Variants in PRKAR1B observed in about 807,000 individuals in gnomAD.
The protein encoded by PRKAR1B is protein kinase cAMP-dependent type I regulatory subunit beta, also known as cAMP-dependent protein kinase type I-beta regulatory subunit.
In PRKAR1B, 22 loss-of-function variants were observed where a neutral mutation model predicts 46.5. That is an observed-to-expected ratio of 0.47 (90% CI 0.34 to 0.68). The LOEUF is 0.68. Among genes scored for constraint, PRKAR1B ranks in the 30% least tolerant of loss-of-function variants. The probability of loss-of-function intolerance (pLI) is 0.01; values close to 1 mark genes in which losing one functional copy is unlikely to be tolerated. For missense variants in PRKAR1B, 445 were observed against 535.6 expected (o/e 0.83, Z 1.67); for synonymous variants, 259 against 217.7 (o/e 1.19, Z -1.67).
At chr7:558,895 G>A (rs1583199535) in intron 9 of PRKAR1B, among the ~76,000 whole-genome samples, 1 of 152,194 alleles carries the variant, frequency 6.6e-6, no homozygotes. Context: ...GAGGTCAGTC[G>A]GATCACAGAA....
intron 4 of PRKAR1B, among the ~76,000 whole-genome samples, chr7:635,742 T>C (rs1784012658): frequency 6.6e-6 from 1 of 152,110 alleles, no homozygotes; most frequent in South Asian, 2.1e-4. Context: ...AAGCCTCAGG[T>C]TTTCTGGAGC....
At chr7:688,208 C>T (rs1348688551) in intron 2 of PRKAR1B, among the ~76,000 whole-genome samples, 1 of 151,860 alleles carries the variant, frequency 6.6e-6, no homozygotes, top group Non-Finnish European at 1.5e-5. Flanking sequence ...CGAGACCAAC[C>T]TGGTTAACAT....
chr7:603,850 C>G (rs1781819659), intron 6 of PRKAR1B, among the ~76,000 whole-genome samples: 1 of 149,794 alleles, frequency 6.7e-6, no homozygotes, highest in Admixed American at 6.6e-5. Flanking sequence ...ATGGTGACAC[C>G]AGGACCCAGA....
Position 727,263 on chromosome 7 carries a change from C to A in PRKAR1B, c.-76G>T. 2 of 1,330,824 alleles carry A rather than the reference C, an allele frequency of 1.5e-6. No individual in the cohort carries two copies. Among genetic ancestry groups the A allele is most frequent in the Non-Finnish European group, 1.9e-6 (2 of 1,044,784 alleles). 82.4% of individuals were successfully genotyped at this position (1,330,824 alleles called of 1,614,324 possible). A position where few individuals can be genotyped will look rare whatever the true frequency, so the allele number is the denominator to read the frequency against. On this transcript the variant is annotated 5_prime_UTR_variant, in exon 1 of 11. Coordinates refer to ENST00000537384, the MANE Select transcript of PRKAR1B (RefSeq NM_001164760.2). ...GCTCCCTGCTCGACCCCTTCGCCGC[C>A]GTGCGCCGCGAGAGCTGCAGCTGCG...
At chr7:601,632 C>T (rs569359510) in intron 6 of PRKAR1B, among the ~76,000 whole-genome samples, 8 of 152,346 alleles carry the variant, frequency 5.3e-5, no homozygotes, top group Non-Finnish European at 1.0e-4. Flanking sequence ...CCGGCCCCGC[C>T]GGGCACTCCC....
rs555398899 is a variant in PRKAR1B at position 623,669 on chromosome 7, C to T, written c.441-16217G>A. 7.2e-5 allele frequency among the ~76,000 whole-genome samples: 11 copies of T among 152,342 alleles called. No homozygotes were observed. The South Asian group carries it at 1.5e-3, about 20-fold the overall frequency. Reference sequence around the variant, plus strand: ...ACTGCCACTTAGGTGGAAATTCTCACGTTCTCATCTCATATTCGGAGGCAA... The same window carrying T: ...ACTGCCACTTAGGTGGAAATTCTCATGTTCTCATCTCATATTCGGAGGCAA... On this transcript the variant is annotated intron_variant, in intron 4 of 10. Coordinates refer to ENST00000537384, the MANE Select transcript of PRKAR1B (RefSeq NM_001164760.2).
intron 8 of PRKAR1B, among the ~76,000 whole-genome samples, chr7:583,095 G>T (rs1046559505): frequency 1.3e-4 from 20 of 152,148 alleles, no homozygotes; most frequent in East Asian, 3.9e-4. Flanking sequence ...CAGGGACGGG[G>T]CTCTGTCTCG....
chr7:723,489 C>T (rs1437759006), intron 1 of PRKAR1B, among the ~76,000 whole-genome samples: 2 of 152,232 alleles, frequency 1.3e-5, no homozygotes, highest in African/African-American at 2.4e-5. Context: ...CGTCTGTCAA[C>T]TCTCAAGCTC....
rs982996908 is a variant in PRKAR1B at position 593,442 on chromosome 7, C to A, written c.708+2704G>T. On this transcript the variant is annotated intron_variant, in intron 7 of 10. Transcript: ENST00000537384. The surrounding 1 kb of genome is among the most constrained non-coding windows in gnomAD (Gnocchi z 6.1). Reference sequence around the variant, plus strand: ...GCCAGCTATTCTTAGCGCACAGGGACCCAAAATTAAAACAGAGGAAGCGCC... The same window carrying A: ...GCCAGCTATTCTTAGCGCACAGGGAACCAAAATTAAAACAGAGGAAGCGCC... Among the ~76,000 whole-genome samples, 40 of 152,190 alleles carry A rather than the reference C, an allele frequency of 2.6e-4. No individual in the cohort carries two copies. The highest frequency in any genetic ancestry group is 8.9e-4 in the African/African-American group (37 of 41,436).
intron 6 of PRKAR1B, among the ~76,000 whole-genome samples, chr7:597,982 C>T (rs1386246877): frequency 7.2e-5 from 11 of 152,304 alleles, no homozygotes; most frequent in East Asian, 3.9e-4. Flanking sequence ...CAGAGGGATC[C>T]GGAGCTCACC....
intron 4 of PRKAR1B, among the ~76,000 whole-genome samples, chr7:659,253 C>T (rs1785369609): frequency 6.6e-6 from 1 of 152,182 alleles, no homozygotes; most frequent in Non-Finnish European, 1.5e-5. Context: ...GAAAAAAGCT[C>T]AGTAAAGCCA....
chr7:669,225 G>T (rs189437556), intron 4 of PRKAR1B, among the ~76,000 whole-genome samples: 1 of 152,114 alleles, frequency 6.6e-6, no homozygotes, highest in African/African-American at 2.4e-5. Context: ...AGCCCATCAC[G>T]AAAGGTCATA....
At chr7:692,447 G>GGAGAA (rs1010384474) in intron 2 of PRKAR1B, among the ~76,000 whole-genome samples, 3 of 149,188 alleles carry the variant, frequency 2.0e-5, no homozygotes, top group East Asian at 3.9e-4. Context: ...AGAGAGAGAA[G>GGAGAA]GAGAAGAGAA....
At chr7:712,015 A>C (rs1176373624) in intron 1 of PRKAR1B, among the ~76,000 whole-genome samples, 1 of 142,300 alleles carries the variant, frequency 7.0e-6, no homozygotes, top group Non-Finnish European at 1.5e-5. Flanking sequence ...CGGCCTCTGC[A>C]CAGGAAAAGA....
At chr7:573,141 C>T (rs536874928) in intron 9 of PRKAR1B, among the ~76,000 whole-genome samples, 5 of 152,318 alleles carry the variant, frequency 3.3e-5, no homozygotes, top group Admixed American at 2.0e-4. Context: ...GATCCCTGCA[C>T]CCCGGGGTCA....
Position 602,900 on chromosome 7 carries a change from G to A in PRKAR1B, c.549+3293C>T, listed in dbSNP as rs1037672810. 2.0e-5 allele frequency among the ~76,000 whole-genome samples: 3 copies of A among 152,164 alleles called. No homozygotes were observed. The highest frequency in any genetic ancestry group is 7.2e-5 in the African/African-American group (3 of 41,442). On this transcript the variant is annotated intron_variant, in intron 6 of 10. Coordinates refer to ENST00000537384, the MANE Select transcript of PRKAR1B (RefSeq NM_001164760.2). This position sits in a 1 kb window ranked among gnomAD's most constrained non-coding sequence, Gnocchi z 6.4. ...AAGGTCACGGCCAGCAAAGAACACA[G>A]CCTGGGTCCTCTGAGTCCCGAGTCC...
chr7:583,546 C>CACT (rs1562537520), intron 8 of PRKAR1B, among the ~76,000 whole-genome samples: 1 of 120,102 alleles, frequency 8.3e-6, no homozygotes, highest in Admixed American at 7.7e-5. Flanking sequence ...CACACACGTG[C>CACT]CAAACACATG....
Position 666,173 on chromosome 7 carries a change from G to A in PRKAR1B, c.440+11056C>T, listed in dbSNP as rs75036923. Reference sequence around the variant, plus strand: ...CGCCCTAATCAGGGAAAGCCGGGAAGGGACCGGGATAGAACCCAAGGGCCT... The same window carrying A: ...CGCCCTAATCAGGGAAAGCCGGGAAAGGACCGGGATAGAACCCAAGGGCCT... On this transcript the variant is annotated intron_variant, in intron 4 of 10. Transcript: ENST00000537384. This position sits in a 1 kb window ranked among gnomAD's most constrained non-coding sequence, Gnocchi z 4.9. 6.6e-6 allele frequency among the ~76,000 whole-genome samples: 1 copy of A among 152,210 alleles called. No individual in the cohort carries two copies. Among genetic ancestry groups the A allele is most frequent in the East Asian group, 1.9e-4 (1 of 5,202 alleles).
chr7:685,267 T>C (rs1470500411), intron 2 of PRKAR1B, among the ~76,000 whole-genome samples: 90 of 28,330 alleles, frequency 3.2e-3, no homozygotes, highest in African/African-American at 0.013. Context: ...TATACATATA[T>C]ACGTATATAT....
Sources: gnomAD v4.1 joint callset for allele counts (sites outside exome capture counted in the v4.1 genomes callset) on GRCh38, gnomAD v4.1.1 for gene constraint, Gnocchi (gnomAD v3.1) non-coding constraint, MANE v1.5 for transcripts, NCBI Gene and HGNC (gene_info 2026-07-23, HGNC 2026-07-21) for gene names.